Variants in CELA2B observed in about 807,000 individuals in gnomAD.
CELA2B encodes chymotrypsin-like elastase family member 2B.
CELA2B carries 27 observed loss-of-function variants against 36.5 expected under a neutral mutation model. That is an observed-to-expected ratio of 0.74 (90% confidence interval 0.55 to 1.02). The LOEUF (loss-of-function observed/expected upper bound fraction) is 1.02. CELA2B is among the 50% of genes least tolerant of loss of function. CELA2B has a pLI of 0.00. For missense variants in CELA2B, 340 were observed against 347.8 expected, an observed-to-expected ratio of 0.98 and a Z score of 0.18; for synonymous variants, 143 against 148.5, an observed-to-expected ratio of 0.96 and a Z score of 0.27.
intron 5 of CELA2B, among the ~76,000 whole-genome samples, chr1:15,484,918 GAC>G (rs1331587310): frequency 1.3e-5 from 2 of 149,414 alleles, no homozygotes; most frequent in South Asian, 2.1e-4. Flanking sequence ...TTTTTTTTGA[GAC>G]AGAGTCTTGC....
chr1:15,487,557 C>T, intron 7 of CELA2B, 120 bp downstream of exon 7: 2 of 1,364,450 alleles, frequency 1.5e-6, no homozygotes, highest in Admixed American at 2.0e-5. Flanking sequence ...GATGGGAACC[C>T]CTTGGAGGAG....
chr1:15,482,526 A>C (rs1708755822), intron 4 of CELA2B, 133 bp downstream of exon 4: 9 of 1,306,910 alleles, frequency 6.9e-6, no homozygotes, highest in South Asian at 2.7e-5. Flanking sequence ...GCTCTGGCCT[A>C]TTAGATGTGG....
intron 7 of CELA2B, 101 bp downstream of exon 7, chr1:15,487,538 TGA>T: frequency 6.8e-7 from 1 of 1,478,990 alleles, no homozygotes; most frequent in Non-Finnish European, 9.3e-7. Flanking sequence ...TCCTTCCTCT[TGA>T]GAGCTAGATG....
At chr1:15,485,530 G>A (rs529015451) in intron 5 of CELA2B, among the ~76,000 whole-genome samples, 219 of 152,350 alleles carry the variant, frequency 1.4e-3, no homozygotes, top group Middle Eastern at 3.4e-3. Context: ...AGAAACTCAG[G>A]AAACACTCAC....
At chr1:15,476,643 T>G (rs762072378) in intron 2 of CELA2B, 98 bp downstream of exon 2, 6 of 1,177,524 alleles carry the variant, frequency 5.1e-6, no homozygotes, top group Non-Finnish European at 7.6e-6. Context: ...CTGGCAAAGT[T>G]AGGATTGATG....
At chr1:15,489,949 C>G (rs1708855052) in intron 7 of CELA2B, among the ~76,000 whole-genome samples, 1 of 152,118 alleles carries the variant, frequency 6.6e-6, no homozygotes, top group Non-Finnish European at 1.5e-5. Flanking sequence ...TCTCAGCTCA[C>G]TGCAACCTGC....
intron 2 of CELA2B, among the ~76,000 whole-genome samples, chr1:15,478,139 T>C (rs1279843648): frequency 6.6e-6 from 1 of 151,954 alleles, no homozygotes; most frequent in East Asian, 1.9e-4. Flanking sequence ...CTACTAAAAA[T>C]ACAAAAATTA....
In CELA2B at chr1:15,481,092, C is replaced by A. The variant is rs2103312366; in HGVS notation, c.130-6C>A. On this transcript the variant is annotated splice_polypyrimidine_tract_variant and splice_region_variant and intron_variant, in intron 2 of 7. Coordinates refer to ENST00000375910, the MANE Select transcript of CELA2B (RefSeq NM_015849.3). ...GCCACAGCCACAGACCTGTGTTTCT[C>A]CCCAGGTCTCCCTGCAGTACAGCTC... 1.2e-6 allele frequency: 2 copies of A among 1,612,052 alleles called. No homozygotes were observed. The highest frequency in any genetic ancestry group is 2.2e-4 in the Middle Eastern group (1 of 4,544).
chr1:15,478,627 G>A (rs1435212635), intron 2 of CELA2B, among the ~76,000 whole-genome samples: 3 of 148,392 alleles, frequency 2.0e-5, no homozygotes, highest in Non-Finnish European at 3.0e-5. Flanking sequence ...GTGCAGTGGC[G>A]CAGTCTCAGC....
intron 5 of CELA2B, 91 bp downstream of exon 5, chr1:15,483,491 C>A: frequency 6.3e-7 from 1 of 1,583,736 alleles, no homozygotes; most frequent in Non-Finnish European, 8.6e-7. Flanking sequence ...ACATGTTATC[C>A]TGGGCATGTG....
chr1:15,484,021 G>A lies in CELA2B; in HGVS notation c.493+621G>A, dbSNP rs140598696. On this transcript the variant is annotated intron_variant, in intron 5 of 7. Coordinates refer to ENST00000375910, the MANE Select transcript of CELA2B (RefSeq NM_015849.3). Reference sequence around the variant, plus strand: ...TCCACAGGAAGCCTGGCATGTGGTAGGTGCTGTGTGTTAGTTGTTGTCACT... The same window carrying A: ...TCCACAGGAAGCCTGGCATGTGGTAAGTGCTGTGTGTTAGTTGTTGTCACT... 3.5e-4 allele frequency among the ~76,000 whole-genome samples: 54 copies of A among 152,294 alleles called. No homozygotes were observed. In the East Asian group the frequency reaches 0.01, roughly 28 times the overall value.
chr1:15,478,923 T>C (rs1158816538), intron 2 of CELA2B, among the ~76,000 whole-genome samples: 1 of 152,050 alleles, frequency 6.6e-6, no homozygotes, highest in Non-Finnish European at 1.5e-5. Context: ...TGGCTTATGT[T>C]CCCCATTTCC....
chr1:15,491,123 G>A (rs554754838), intron 7 of CELA2B, 172 bp from the exon 8 acceptor site: 11 of 716,768 alleles, frequency 1.5e-5, no homozygotes, highest in African/African-American at 7.1e-5. Flanking sequence ...AGCTGTGATT[G>A]CATCTTTTTC....
chr1:15,479,610 C>T (rs935549475), intron 2 of CELA2B, among the ~76,000 whole-genome samples: 3 of 152,030 alleles, frequency 2.0e-5, no homozygotes, highest in African/African-American at 7.2e-5. Flanking sequence ...AATAACACGC[C>T]GGAAAACGAA....
intron 1 of CELA2B, 95 bp from the exon 2 acceptor site, chr1:15,476,362 A>C: frequency 6.9e-7 from 1 of 1,441,418 alleles, no homozygotes; most frequent in Non-Finnish European, 9.7e-7. Flanking sequence ...TTCTAGAACA[A>C]GGGTTTTCTA....
intron 2 of CELA2B, among the ~76,000 whole-genome samples, chr1:15,479,585 C>T (rs1708716308): frequency 6.6e-6 from 1 of 152,058 alleles, no homozygotes; most frequent in African/African-American, 2.4e-5. Context: ...CAATAAACAA[C>T]TGAATAGGTA....
At chr1:15,477,363 A>G (rs1708685663) in intron 2 of CELA2B, among the ~76,000 whole-genome samples, 1 of 152,258 alleles carries the variant, frequency 6.6e-6, no homozygotes, top group African/African-American at 2.4e-5. Flanking sequence ...TAACGGTGGG[A>G]ATTTCAAAAG....
intron 2 of CELA2B, among the ~76,000 whole-genome samples, chr1:15,477,194 T>C (rs1708684112): frequency 1.3e-5 from 2 of 152,224 alleles, no homozygotes; most frequent in Non-Finnish European, 1.5e-5. Context: ...CAAATATTCC[T>C]TGCTTTAAGG....
chr1:15,481,128 T>C lies in CELA2B; in HGVS notation c.160T>C (p.Trp54Arg), dbSNP rs570562745. The C allele has an allele frequency of 3.4e-5, 55 of 1,613,204 alleles. No homozygotes were observed. In the African/African-American group the frequency reaches 6.7e-4, roughly 20 times the overall value. The change falls in exon 3 of 8, where the codon TGG (tryptophan) becomes CGG (arginine). Residue 54 changes from tryptophan to arginine, a missense_variant. Physicochemically the swap from Trp to Arg is moderately radical, Grantham distance 101. Coordinates refer to ENST00000375910, the MANE Select transcript of CELA2B (RefSeq NM_015849.3). Reference protein sequence around the residue: ...VSLQYSSNGQWYHTCGGSLIA... With the variant: ...VSLQYSSNGQRYHTCGGSLIA... ...CCTGCAGTACAGCTCCAATGGCCAG[T>C]GGTACCACACCTGCGGAGGGTCCCT...
Sources: allele counts gnomAD v4.1 joint callset (sites outside exome capture counted in the v4.1 genomes callset), GRCh38; gene constraint gnomAD v4.1.1; transcripts MANE v1.5; gene names NCBI Gene and HGNC (gene_info 2026-07-23, HGNC 2026-07-21).